RHOA: variants seen among roughly 807,000 people sequenced by gnomAD.
The protein encoded by RHOA is transforming protein RhoA.
Under a neutral mutation model 17.5 loss-of-function variants are expected in RHOA, and 3 were observed. The ratio of observed to expected loss-of-function variants is 0.17; its 90% confidence interval spans 0.08 to 0.44. The LOEUF (loss-of-function observed/expected upper bound fraction) is 0.44, where lower values mean the gene tolerates loss of function less well. Among genes scored for constraint, RHOA ranks in the 20% least tolerant of loss-of-function variants. The pLI is 0.99. For missense variants in RHOA, 56 were observed against 242.3 expected (o/e 0.23, Z 5.10); for synonymous variants, 98 against 88.4 (o/e 1.11, Z -0.61).
At chr3:49,407,377 G>A (rs1285430025) in intron 1 of RHOA, among the ~76,000 whole-genome samples, 3 of 151,564 alleles carry the variant, frequency 2.0e-5, no homozygotes, top group Non-Finnish European at 4.4e-5. Flanking sequence ...GGGATTATAG[G>A]CGCCTGCTGC....
At position 49,360,030 on chromosome 3, in the gene RHOA, A is replaced by T; in HGVS notation, c.*179T>A. On this transcript the variant is annotated 3_prime_UTR_variant, in exon 5 of 5. Coordinates refer to ENST00000418115, the MANE Select transcript of RHOA (RefSeq NM_001664.4). ...AGTGTCAAAAGGACCCTGGTGGGCC[A>T]GACGGGTTGGACATCGTTAATAATC... 1.5e-6 allele frequency: 1 copy of T among 674,628 alleles called. No homozygotes were observed. The highest frequency in any genetic ancestry group is 2.4e-6 in the Non-Finnish European group (1 of 425,494). The allele number at this position is 674,628 out of a possible 1,614,324, so 41.8% of individuals were successfully genotyped here.
At chr3:49,363,511 AG>A (rs754416924) in intron 3 of RHOA, among the ~76,000 whole-genome samples, 12 of 152,132 alleles carry the variant, frequency 7.9e-5, no homozygotes, top group Non-Finnish European at 1.6e-4. Flanking sequence ...TAAGGCAAGT[AG>A]ACAGCTTGGG....
chr3:49,372,869 A>G (rs2048168345), intron 2 of RHOA, among the ~76,000 whole-genome samples: 1 of 152,054 alleles, frequency 6.6e-6, no homozygotes, highest in Admixed American at 6.6e-5. Flanking sequence ...CACCTATAAA[A>G]ACCGTTTTAC....
chr3:49,363,784 G>T (rs1457437791), intron 3 of RHOA, among the ~76,000 whole-genome samples: 2 of 151,888 alleles, frequency 1.3e-5, no homozygotes, highest in Non-Finnish European at 2.9e-5. Context: ...CCCAGGAGGT[G>T]GAGGTTGTGA....
intron 1 of RHOA, among the ~76,000 whole-genome samples, chr3:49,391,132 C>T (rs2048495739): frequency 1.3e-5 from 2 of 151,696 alleles, no homozygotes; most frequent in South Asian, 2.1e-4. Flanking sequence ...GCAGGAGAAC[C>T]GCTTGTACCC....
At chr3:49,366,366 G>A (rs2048056540) in intron 3 of RHOA, among the ~76,000 whole-genome samples, 1 of 152,296 alleles carries the variant, frequency 6.6e-6, no homozygotes, top group Non-Finnish European at 1.5e-5. Context: ...ACTTTGGGAG[G>A]CCAAGGTGAG....
At chr3:49,385,473 C>A (rs1348445048) in intron 1 of RHOA, among the ~76,000 whole-genome samples, 1 of 152,088 alleles carries the variant, frequency 6.6e-6, no homozygotes, top group African/African-American at 2.4e-5. Flanking sequence ...GCCTCGGCCT[C>A]CCAAAGTGCT....
intron 1 of RHOA, among the ~76,000 whole-genome samples, chr3:49,386,213 C>T (rs968688280): frequency 6.7e-6 from 1 of 148,590 alleles, no homozygotes; most frequent in Non-Finnish European, 1.5e-5. Context: ...TGAACATGGA[C>T]GCCTTTCCAT....
chr3:49,409,636 C>T (rs967845325), intron 1 of RHOA, among the ~76,000 whole-genome samples: 2 of 152,142 alleles, frequency 1.3e-5, no homozygotes, highest in African/African-American at 4.8e-5. Context: ...CTTCTCCAGT[C>T]ACTGCATGGA....
At position 49,359,793 on chromosome 3, in the gene RHOA, C is replaced by T. The variant is rs2047929535; in HGVS notation, c.*416G>A. ...CACCCCAGAGCTATGCCAACAAAAT[C>T]TGTTACGGAGTAAAGCCCTGAAGTG... On this transcript the variant is annotated 3_prime_UTR_variant, in exon 5 of 5. Coordinates refer to ENST00000418115, the MANE Select transcript of RHOA (RefSeq NM_001664.4). 1 of 236,514 alleles carries T rather than the reference C, an allele frequency of 4.2e-6. No homozygotes were observed. Among genetic ancestry groups the T allele is most frequent in the Admixed American group, 5.5e-5 (1 of 18,046 alleles). The allele number at this position is 236,514 out of a possible 1,614,324, so 14.7% of individuals were successfully genotyped here. A position where few individuals can be genotyped will look rare whatever the true frequency, so the allele number is the denominator to read the frequency against.
chr3:49,366,733 A>G (rs1263646875), intron 3 of RHOA: 2 of 152,288 alleles, frequency 1.3e-5, no homozygotes, highest in Non-Finnish European at 2.9e-5. Context: ...TTGGGCCAGC[A>G]TGACCTTAAA....
chr3:49,381,880 C>T lies in RHOA; in HGVS notation c.-2-6289G>A, dbSNP rs1559505229. On this transcript the variant is annotated intron_variant, in intron 1 of 4. Transcript: ENST00000418115. ...AAATTCGTCTCAAAAAAAAAAAAGA[C>T]AGAGAGTGAAGTTCCCCAGTTAGAG... Among the ~76,000 whole-genome samples, 4 of 148,680 alleles carry T rather than the reference C, an allele frequency of 2.7e-5. No individual in the cohort carries two copies. The Admixed American group carries it at 2.7e-4, about 10-fold the overall frequency.
At chr3:49,407,141 C>G (rs186949818) in intron 1 of RHOA, among the ~76,000 whole-genome samples, 1 of 151,246 alleles carries the variant, frequency 6.6e-6, no homozygotes, top group Non-Finnish European at 1.5e-5. Flanking sequence ...GAGACCCTGT[C>G]TCAAGAGAAG....
chr3:49,378,747 G>A (rs967590446), intron 1 of RHOA, among the ~76,000 whole-genome samples: 23 of 152,008 alleles, frequency 1.5e-4, no homozygotes, highest in African/African-American at 5.3e-4. Context: ...GGGACTACCA[G>A]GCTCCTGCCA....
chr3:49,407,977 T>C (rs995775409), intron 1 of RHOA, among the ~76,000 whole-genome samples: 9 of 152,014 alleles, frequency 5.9e-5, no homozygotes, highest in African/African-American at 2.2e-4. Context: ...CTGACCAACA[T>C]GGTGAAACCC....
At chr3:49,382,059 C>T (rs1376806543) in intron 1 of RHOA, among the ~76,000 whole-genome samples, 4 of 152,054 alleles carry the variant, frequency 2.6e-5, no homozygotes, top group African/African-American at 9.7e-5. Flanking sequence ...GTGGCTCACA[C>T]CTGTAATCCC....
intron 1 of RHOA, among the ~76,000 whole-genome samples, chr3:49,375,887 G>A (rs1281397924): frequency 2.0e-5 from 3 of 151,538 alleles, no homozygotes; most frequent in East Asian, 1.9e-4. Flanking sequence ...TCACTCTGTC[G>A]CCCAGGCTGG....
intron 4 of RHOA, among the ~76,000 whole-genome samples, chr3:49,361,897 T>G (rs1400869537): frequency 7.6e-6 from 1 of 132,362 alleles, no homozygotes; most frequent in Non-Finnish European, 1.6e-5. Context: ...AAATAAAGAG[T>G]CTAACAGAGG....
chr3:49,371,204 A>C (rs144224456), intron 2 of RHOA, among the ~76,000 whole-genome samples: 2 of 151,226 alleles, frequency 1.3e-5, no homozygotes, highest in Non-Finnish European at 2.9e-5. Context: ...GGGCCTTTTC[A>C]TTGTGAGCAG....
Sources: allele counts gnomAD v4.1 joint callset (sites outside exome capture counted in the v4.1 genomes callset), GRCh38; gene constraint gnomAD v4.1.1; transcripts MANE v1.5; gene names NCBI Gene and HGNC (gene_info 2026-07-23, HGNC 2026-07-21).